ZNF536: variants seen among roughly 807,000 people sequenced by gnomAD.
ZNF536 encodes the protein zinc finger protein 536.
A neutral mutation model predicts 84.5 loss-of-function variants in ZNF536; 13 were observed. That is an observed-to-expected ratio of 0.15 (90% CI 0.10 to 0.24). The LOEUF (loss-of-function observed/expected upper bound fraction) is 0.24, where lower values mean the gene tolerates loss of function less well. Ranked by LOEUF, ZNF536 falls within the 10% of genes least tolerant of loss-of-function variation. The pLI is 1.00. For missense variants in ZNF536, 1,536 were observed against 1,747.5 expected, an observed-to-expected ratio of 0.88 and a Z score of 2.16; for synonymous variants, 811 against 742.5, an observed-to-expected ratio of 1.09 and a Z score of -1.50.
chr19:30,358,757 C>T (rs73020923), intron 3 of ZNF536, among the ~76,000 whole-genome samples: 26 of 152,288 alleles, frequency 1.7e-4, no homozygotes, highest in African/African-American at 5.1e-4. Flanking sequence ...CAGGTGATTT[C>T]GGATGCCCTT....
At chr19:30,321,525 G>A (rs1014149220) in intron 2 of ZNF536, among the ~76,000 whole-genome samples, 1 of 152,026 alleles carries the variant, frequency 6.6e-6, no homozygotes, top group Non-Finnish European at 1.5e-5. Flanking sequence ...GCCACTGCAC[G>A]CCAGCCTGGA....
rs1323085355 is a variant in ZNF536 at position 30,416,302 on chromosome 19, T to A, written c.-2-27259T>A. ...TTTGTCCTCTGAATTTTTTTTTTTT[T>A]TTTTTTTTGGTACATCTTGGTTCTT... is the stretch of plus-strand genomic sequence containing the variant. On this transcript the variant is annotated intron_variant, in intron 1 of 4. Transcript: ENST00000355537. Among the ~76,000 whole-genome samples the A allele has an allele frequency of 5.8e-4, 88 of 152,060 alleles. 2 individuals are homozygous for A. The South Asian group carries it at 0.018, about 31-fold the overall frequency.
At chr19:30,558,877 T>C (rs1437146138), downstream of ZNF536, among the ~76,000 whole-genome samples, 1 of 152,118 alleles carries the variant, frequency 6.6e-6, no homozygotes, top group Non-Finnish European at 1.5e-5. Flanking sequence ...AATCTCAAGC[T>C]CCAAGTCCGT....
chr19:30,653,213 C>T (rs17542947), intron 1 of ZNF536, among the ~76,000 whole-genome samples: 3,213 of 152,302 alleles, frequency 0.021, 61 homozygotes, highest in Middle Eastern at 0.037. Context: ...GATGCAGATT[C>T]TGACTCAGTA....
intron 2 of ZNF536, among the ~76,000 whole-genome samples, chr19:30,298,182 G>T (rs184704396): frequency 3.3e-5 from 5 of 152,238 alleles, no homozygotes; most frequent in Admixed American, 1.3e-4. Flanking sequence ...CTGGCCTCAT[G>T]CCCTTCTTTA....
intron 1 of ZNF536, among the ~76,000 whole-genome samples, chr19:30,230,477 G>T (rs373359185): frequency 5.9e-5 from 9 of 152,262 alleles, no homozygotes; most frequent in African/African-American, 2.2e-4. Context: ...GGAGATCTTC[G>T]CAACTCAGCA....
upstream of ZNF536, among the ~76,000 whole-genome samples, chr19:30,227,362 T>C (rs544552283): frequency 2.0e-5 from 3 of 150,786 alleles, no homozygotes; most frequent in South Asian, 6.3e-4. Context: ...ATTGGAATGT[T>C]GGGGGGCGGG....
intron 1 of ZNF536, among the ~76,000 whole-genome samples, chr19:30,659,952 GGTGTGTGTGTGT>G (rs5827727): frequency 5.3e-4 from 54 of 101,294 alleles, no homozygotes; most frequent in Non-Finnish European, 8.1e-4. Flanking sequence ...TTGACACAAG[GGTGTGTGTGTGT>G]GTGTGTGTGT....
intron 2 of ZNF536, among the ~76,000 whole-genome samples, chr19:30,316,759 A>C (rs1247576337): frequency 6.6e-6 from 1 of 152,240 alleles, no homozygotes; most frequent in Non-Finnish European, 1.5e-5. Flanking sequence ...GGTCTTCAAC[A>C]GGTGGTTTCT....
intron 4 of ZNF536, among the ~76,000 whole-genome samples, chr19:30,549,922 A>C (rs1367532464): frequency 6.6e-6 from 1 of 152,240 alleles, no homozygotes; most frequent in Non-Finnish European, 1.5e-5. Context: ...ACAATTCCTT[A>C]CTGCTTTGCT....
At chr19:30,694,062 C>T (rs2051547624) in intron 1 of ZNF536, among the ~76,000 whole-genome samples, 1 of 152,128 alleles carries the variant, frequency 6.6e-6, no homozygotes, top group Non-Finnish European at 1.5e-5. Context: ...CACAGATAAC[C>T]TTGGATGCCA....
chr19:30,302,586 G>C (rs2046220119), intron 2 of ZNF536, among the ~76,000 whole-genome samples: 1 of 152,092 alleles, frequency 6.6e-6, no homozygotes, highest in Non-Finnish European at 1.5e-5. Flanking sequence ...AGTCTGTGGG[G>C]CACTCTCAAG....
chr19:30,462,715 G>A (rs1017214094), intron 2 of ZNF536, among the ~76,000 whole-genome samples: 17 of 120,072 alleles, frequency 1.4e-4, no homozygotes, highest in African/African-American at 7.2e-4. Context: ...GTTGTGATGG[G>A]TGTATCCATA....
chr19:30,432,705 C>A (rs553617198), intron 1 of ZNF536, among the ~76,000 whole-genome samples: 1 of 152,300 alleles, frequency 6.6e-6, no homozygotes, highest in Admixed American at 6.5e-5. Flanking sequence ...TATTTTCATC[C>A]TTTACTGGTT....
rs2146207771 is a variant in ZNF536 at position 30,548,577 on chromosome 19, C to A, written c.2958C>A (p.Ser986=). 6.2e-7 allele frequency: 1 copy of A among 1,614,162 alleles called. No individual in the cohort carries two copies. The highest frequency in any genetic ancestry group is 8.5e-7 in the Non-Finnish European group (1 of 1,180,044). Residue 986 remains serine (S), a synonymous_variant, in exon 4 of 5, where the codon TCC becomes TCA. Transcript: ENST00000355537. ...TGTCTGTGCGGCCAGATGCCGCCTC[C>A]CTCCCGGGCTCCTCGGTAACTGTGC... ...LDLSVRPDAA[S]LPGSSVTVQD... is the part of the protein sequence containing the mutation.
chr19:30,495,635 G>A (rs2054688863), intron 2 of ZNF536, among the ~76,000 whole-genome samples: 2 of 152,194 alleles, frequency 1.3e-5, no homozygotes, highest in Non-Finnish European at 2.9e-5. Context: ...ATTTGTCCAA[G>A]GTTGCACATC....
rs1423662536 is a variant in ZNF536 at position 30,383,715 on chromosome 19, C to A, written c.-3+11159C>A. Among the ~76,000 whole-genome samples, 13 of 40,410 alleles carry A rather than the reference C, an allele frequency of 3.2e-4. 1 individual carries two copies. The highest frequency in any genetic ancestry group is 1.1e-3 in the African/African-American group (13 of 11,632). 26.5% of individuals were successfully genotyped at this position (40,410 alleles called of 152,430 possible). ...TTCTTTTCTTTCTCTTTCTTTCTTT[C>A]TTTCTTTCTTTCTTTCTTTCTTTCT... On this transcript the variant is annotated intron_variant, in intron 1 of 4. Coordinates refer to ENST00000355537, the MANE Select transcript of ZNF536 (RefSeq NM_014717.3).
At position 30,244,195 on chromosome 19, in the gene ZNF536, C is replaced by T. The variant is rs141463765; in HGVS notation, c.-190+15522C>T. Among the ~76,000 whole-genome samples, 63 of 152,256 alleles carry T rather than the reference C, an allele frequency of 4.1e-4. 1 individual carries two copies. The highest frequency in any genetic ancestry group is 1.1e-3 in the African/African-American group (45 of 41,550). On this transcript the variant is annotated intron_variant, in intron 1 of 5. Transcript: ENST00000585628. ...GGGCCACGTGATAGATGTGATTGAT[C>T]GGCTTTAGACACAGGATTGCTCATT...
intron 2 of ZNF536, among the ~76,000 whole-genome samples, chr19:30,297,919 C>T (rs546429939): frequency 1.4e-5 from 2 of 144,498 alleles, no homozygotes; most frequent in South Asian, 2.3e-4. Context: ...CCCCCTCTGT[C>T]GCCCAGGCTG....
Sources: allele counts gnomAD v4.1 joint callset (sites outside exome capture counted in the v4.1 genomes callset), GRCh38; gene constraint gnomAD v4.1.1; transcripts MANE v1.5; gene names NCBI Gene and HGNC (gene_info 2026-07-23, HGNC 2026-07-21).